Variants in NFS1 observed in about 807,000 individuals in gnomAD.
NFS1 encodes the protein cysteine desulfurase.
In NFS1, 26 loss-of-function variants were observed where a neutral mutation model predicts 57.3. The observed-to-expected ratio is 0.45, with a 90% CI of 0.33 to 0.63. The LOEUF (loss-of-function observed/expected upper bound fraction) is 0.63, where lower values mean the gene tolerates loss of function less well. NFS1 is among the 20% of genes least tolerant of loss of function. The probability of loss-of-function intolerance (pLI) is 0.02; values close to 1 mark genes in which losing one functional copy is unlikely to be tolerated. For missense variants in NFS1, 505 were observed against 605.8 expected, an observed-to-expected ratio of 0.83 and a Z score of 1.75; for synonymous variants, 209 against 216.3, an observed-to-expected ratio of 0.97 and a Z score of 0.30.
At position 35,672,819 on chromosome 20, in the gene NFS1, C is replaced by T; in HGVS notation, c.1246G>A (p.Glu416Lys). 3 of 1,611,372 alleles carry T rather than the reference C, an allele frequency of 1.9e-6. No homozygotes were observed. Among genetic ancestry groups the T allele is most frequent in the Middle Eastern group, 1.7e-4 (1 of 6,052 alleles). Residue 416 changes from glutamate (E) to lysine (K), a missense_variant, in exon 12 of 13, where the codon GAG (glutamate) becomes AAG (lysine). Coordinates refer to ENST00000374092, the MANE Select transcript of NFS1 (RefSeq NM_021100.5). ...IRFGIGRFTT[E>K]EEVDYTVEKC... ...TCCACTGTGTAGTCCACTTCCTCCTCTGTAGTGAAGCGGCCAATTCCAAAC... is the reference window on the plus strand; with the variant it reads ...TCCACTGTGTAGTCCACTTCCTCCTTTGTAGTGAAGCGGCCAATTCCAAAC...
At chr20:35,685,156 G>GATT (rs1188630544) in intron 5 of NFS1, among the ~76,000 whole-genome samples, 2 of 151,666 alleles carry the variant, frequency 1.3e-5, no homozygotes, top group Non-Finnish European at 2.9e-5. Context: ...AAAGTGCTGG[G>GATT]ATTATAGGCA....
intron 5 of NFS1, among the ~76,000 whole-genome samples, chr20:35,685,845 C>T (rs1470935267): frequency 7.5e-6 from 1 of 133,814 alleles, no homozygotes; most frequent in Non-Finnish European, 1.6e-5. Context: ...GCAACAAGAG[C>T]GAAATTCAGT....
chr20:35,693,182 A>G (rs1461219742), intron 4 of NFS1, among the ~76,000 whole-genome samples: 1 of 151,758 alleles, frequency 6.6e-6, no homozygotes, highest in Non-Finnish European at 1.5e-5. Context: ...GGCCCACTGC[A>G]ACCTCTGCCT....
At position 35,669,422 on chromosome 20, in the gene NFS1, TG is replaced by T; in HGVS notation, c.*199del. On this transcript the variant is annotated 3_prime_UTR_variant, in exon 13 of 13. Transcript: ENST00000374092. ...ACACACTTTAAGACCCGAGAAGAAATGGGGAGTGCTCCACACCCAAGGAACT... is the reference window on the plus strand; with the variant it reads ...ACACACTTTAAGACCCGAGAAGAAATGGGAGTGCTCCACACCCAAGGAACT... 1 of 545,374 alleles carries T rather than the reference TG, an allele frequency of 1.8e-6. No individual in the cohort carries two copies. The highest frequency in any genetic ancestry group is 3.3e-6 in the Non-Finnish European group (1 of 299,970). The allele number at this position is 545,374 out of a possible 1,614,324, so 33.8% of individuals were successfully genotyped here. A position where few individuals can be genotyped will look rare whatever the true frequency, so the allele number is the denominator to read the frequency against.
At chr20:35,671,333 C>T (rs902921201) in intron 12 of NFS1, among the ~76,000 whole-genome samples, 5 of 152,198 alleles carry the variant, frequency 3.3e-5, no homozygotes, top group Non-Finnish European at 7.3e-5. Context: ...GATCTCCTGA[C>T]CTCATGATCC....
At chr20:35,671,522 A>G (rs776532604) in intron 12 of NFS1, among the ~76,000 whole-genome samples, 2 of 152,170 alleles carry the variant, frequency 1.3e-5, no homozygotes, top group African/African-American at 2.4e-5. Context: ...AGTGAACTAC[A>G]ACTGTGCCAC....
At chr20:35,687,527 C>T (rs971003001) in intron 5 of NFS1, among the ~76,000 whole-genome samples, 3 of 152,186 alleles carry the variant, frequency 2.0e-5, no homozygotes, top group Non-Finnish European at 4.4e-5. Context: ...GGCTCACACT[C>T]CTTACCCTGC....
intron 1 of NFS1, chr20:35,698,827 AGGAAGGAAGGCTCTAAAGG>A: frequency 7.3e-7 from 1 of 1,371,786 alleles, no homozygotes; most frequent in Non-Finnish European, 9.4e-7. Context: ...ATGGTATCGT[AGGAAGGAAGGCTCTAAAGG>A]GCAAAGACGT....
chr20:35,672,544 C>A (rs780916386), intron 12 of NFS1, among the ~76,000 whole-genome samples: 9 of 152,216 alleles, frequency 5.9e-5, no homozygotes, highest in Non-Finnish European at 1.3e-4. Flanking sequence ...GGCCACCCTG[C>A]CCGGCCTAGT....
intron 4 of NFS1, 26 bp downstream of exon 4, chr20:35,696,351 T>A: frequency 6.5e-7 from 1 of 1,537,930 alleles, no homozygotes; most frequent in South Asian, 1.1e-5. Flanking sequence ...AAAGCCCACA[T>A]ACACCCTCTG....
At chr20:35,694,887 T>TAAAAAAA (rs752851196) in intron 4 of NFS1, 1 of 133,826 alleles carries the variant, frequency 7.5e-6, no homozygotes. Context: ...AGACTCAGTC[T>TAAAAAAA]AAAAAAAAAA....
At chr20:35,689,197 T>C (rs937517121) in intron 5 of NFS1, among the ~76,000 whole-genome samples, 3 of 152,126 alleles carry the variant, frequency 2.0e-5, no homozygotes, top group African/African-American at 4.8e-5. Flanking sequence ...GCAAGAAACA[T>C]GTCCTCCAGG....
intron 4 of NFS1, among the ~76,000 whole-genome samples, chr20:35,691,320 A>G (rs1465930989): frequency 1.3e-5 from 2 of 152,252 alleles, no homozygotes; most frequent in Non-Finnish European, 2.9e-5. Context: ...TGCCAGTGAT[A>G]TAACAGTAAA....
rs1309390031 is a variant in NFS1 at position 35,669,455 on chromosome 20, A to C, written c.*167T>G. The C allele has an allele frequency of 4.6e-6, 3 of 647,018 alleles. No individual in the cohort carries two copies. The East Asian group carries it at 7.8e-5, about 17-fold the overall frequency. The allele number at this position is 647,018 out of a possible 1,614,324, so 40.1% of individuals were successfully genotyped here. A position where few individuals can be genotyped will look rare whatever the true frequency, so the allele number is the denominator to read the frequency against. Reference sequence around the variant, plus strand: ...GCTCCACACCCAAGGAACTGAAGCTAGGGAAAGACAGTTTTCTTGTGTTTC... The same window carrying C: ...GCTCCACACCCAAGGAACTGAAGCTCGGGAAAGACAGTTTTCTTGTGTTTC... On this transcript the variant is annotated 3_prime_UTR_variant, in exon 13 of 13. Transcript: ENST00000374092.
chr20:35,691,765 A>AAAG (rs2035044412), intron 4 of NFS1, among the ~76,000 whole-genome samples: 2 of 146,918 alleles, frequency 1.4e-5, no homozygotes, highest in African/African-American at 5.2e-5. Context: ...AAAAAAAAAA[A>AAAG]GAACGCCAGG....
intron 4 of NFS1, among the ~76,000 whole-genome samples, chr20:35,693,495 A>G (rs928337313): frequency 7.2e-5 from 11 of 152,176 alleles, no homozygotes; most frequent in African/African-American, 2.7e-4. Flanking sequence ...GAAAATGTGC[A>G]TCTCTCCCCA....
At chr20:35,676,383 C>T (rs985168055) in intron 7 of NFS1, among the ~76,000 whole-genome samples, 9 of 148,986 alleles carry the variant, frequency 6.0e-5, no homozygotes, top group Non-Finnish European at 1.2e-4. Flanking sequence ...ATCAGGAGTT[C>T]GAGACCAGCC....
At position 35,699,081 on chromosome 20, in the gene NFS1, G is replaced by C; in HGVS notation, c.97+111C>G. 1 of 1,337,126 alleles carries C rather than the reference G, an allele frequency of 7.5e-7. No individual in the cohort carries two copies. The highest frequency in any genetic ancestry group is 9.5e-7 in the Non-Finnish European group (1 of 1,047,640). The allele number at this position is 1,337,126 out of a possible 1,614,324, so 82.8% of individuals were successfully genotyped here. On this transcript the variant is annotated intron_variant, in intron 1 of 12. Coordinates refer to ENST00000374092, the MANE Select transcript of NFS1 (RefSeq NM_021100.5). This position sits in a 1 kb window ranked among gnomAD's most constrained non-coding sequence, Gnocchi z 4.4. ...TGAGGGATGTGTCATTTGAGAGAAG[G>C]GTCAGAGGGTCTGGGCAGCAGGGTG...
At chr20:35,673,926 G>A in intron 10 of NFS1, 1 of 478,262 alleles carries the variant, frequency 2.1e-6, no homozygotes, top group Non-Finnish European at 3.8e-6. Context: ...GGCAAAGTGT[G>A]ACAGAGCATG....
Sources: gnomAD v4.1 joint callset for allele counts (sites outside exome capture counted in the v4.1 genomes callset) on GRCh38, gnomAD v4.1.1 for gene constraint, Gnocchi (gnomAD v3.1) non-coding constraint, MANE v1.5 for transcripts, NCBI Gene and HGNC (gene_info 2026-07-23, HGNC 2026-07-21) for gene names.